The following CDK19 variants were observed in gnomAD, a reference collection of about 807,000 sequenced individuals.
CDK19 encodes the protein cyclin-dependent kinase 19.
In CDK19, 20 loss-of-function variants were observed where a neutral mutation model predicts 68.3. The observed-to-expected ratio is 0.29, with a 90% CI of 0.21 to 0.43. The LOEUF (loss-of-function observed/expected upper bound fraction) is 0.43. Among genes scored for constraint, CDK19 ranks in the 20% least tolerant of loss-of-function variants. The pLI is 1.00. For missense variants in CDK19, 339 were observed against 623.5 expected (o/e 0.54, Z 4.86); for synonymous variants, 221 against 222.8 (o/e 0.99, Z 0.07).
intron 2 of CDK19, among the ~76,000 whole-genome samples, chr6:110,700,128 A>C (rs921108522): frequency 2.0e-5 from 3 of 152,058 alleles, no homozygotes; most frequent in African/African-American, 7.2e-5. Flanking sequence ...TGGGCTGTGC[A>C]CTCTTTATGA....
intron 1 of CDK19, among the ~76,000 whole-genome samples, chr6:110,747,122 C>T (rs9487507): frequency 6.6e-6 from 1 of 152,156 alleles, no homozygotes; most frequent in African/African-American, 2.4e-5. Flanking sequence ...CAAAGTATCA[C>T]CATGTCATGA....
chr6:110,814,393 C>G (rs1401041713), intron 1 of CDK19, among the ~76,000 whole-genome samples: 1 of 152,238 alleles, frequency 6.6e-6, no homozygotes, highest in Non-Finnish European at 1.5e-5. Flanking sequence ...ATGAGAAACC[C>G]GGGACGCCGG....
chr6:110,630,572 C>T (rs1413662961), intron 6 of CDK19, among the ~76,000 whole-genome samples: 1 of 152,190 alleles, frequency 6.6e-6, no homozygotes, highest in Non-Finnish European at 1.5e-5. Context: ...GGAATGTACA[C>T]AGGCAGGATC....
At chr6:110,618,649 A>G (rs925321963) in intron 12 of CDK19, among the ~76,000 whole-genome samples, 4 of 152,172 alleles carry the variant, frequency 2.6e-5, no homozygotes, top group East Asian at 1.9e-4. Context: ...TTCTGTCCTG[A>G]TAAGTAAGCA....
Position 110,621,391 on chromosome 6 carries a change from AG to A in CDK19, c.1111-22del. On this transcript the variant is annotated intron_variant, in intron 11 of 12. Transcript: ENST00000368911. This position sits in a 1 kb window ranked among gnomAD's most constrained non-coding sequence, Gnocchi z 5.4. Reference sequence around the variant, plus strand: ...TGATTCTTTTAAGGGGAAAAAAGCAAGCTTGGTATGAAACCAAATTAACAGG... The same window carrying A: ...TGATTCTTTTAAGGGGAAAAAAGCAACTTGGTATGAAACCAAATTAACAGG... 6.6e-7 allele frequency: 1 copy of A among 1,521,444 alleles called. No individual in the cohort carries two copies. Among genetic ancestry groups the A allele is most frequent in the South Asian group, 1.3e-5 (1 of 75,782 alleles). The allele number at this position is 1,521,444 out of a possible 1,614,324, so 94.2% of individuals were successfully genotyped here. A position where few individuals can be genotyped will look rare whatever the true frequency, so the allele number is the denominator to read the frequency against.
At chr6:110,734,540 T>TCTCTCTCTCTCTCTCTCTCTCA (rs1777072443) in intron 2 of CDK19, among the ~76,000 whole-genome samples, 1 of 148,916 alleles carries the variant, frequency 6.7e-6, no homozygotes, top group African/African-American at 2.5e-5. Flanking sequence ...TCTCTCTCTC[T>TCTCTCTCTCTCTCTCTCTCTCA]CTCTCTCTCT....
At chr6:110,732,406 G>C (rs986356868) in intron 2 of CDK19, among the ~76,000 whole-genome samples, 1 of 152,114 alleles carries the variant, frequency 6.6e-6, no homozygotes, top group Non-Finnish European at 1.5e-5. Context: ...AGGAAGCTGA[G>C]GCACAAGAAG....
At position 110,808,254 on chromosome 6, in the gene CDK19, G is replaced by A. The variant is rs73766024; in HGVS notation, c.128+6755C>T. Among the ~76,000 whole-genome samples, 1,472 of 152,250 alleles carry A rather than the reference G, an allele frequency of 9.7e-3. 24 individuals are homozygous for A. Among genetic ancestry groups the A allele is most frequent in the African/African-American group, 0.033 (1,386 of 41,534 alleles). On this transcript the variant is annotated intron_variant, in intron 1 of 12. Coordinates refer to ENST00000368911, the MANE Select transcript of CDK19 (RefSeq NM_015076.5). ...CCAGTAATCGATACCTATGTGTGGC[G>A]TGTGGCTTGTGGCTAGCATATTGGA...
At chr6:110,695,534 T>A (rs1470538755) in intron 2 of CDK19, among the ~76,000 whole-genome samples, 2 of 151,418 alleles carry the variant, frequency 1.3e-5, no homozygotes, top group African/African-American at 4.9e-5. Context: ...AACAAAAAAA[T>A]TTACAATAGA....
At chr6:110,798,972 G>A (rs1782153785) in intron 1 of CDK19, among the ~76,000 whole-genome samples, 2 of 151,358 alleles carry the variant, frequency 1.3e-5, no homozygotes, top group African/African-American at 2.4e-5. Context: ...GCAAAACCCT[G>A]TCTCTACAAA....
At chr6:110,740,563 T>A (rs1007956999) in intron 2 of CDK19, among the ~76,000 whole-genome samples, 1 of 152,266 alleles carries the variant, frequency 6.6e-6, no homozygotes, top group Admixed American at 6.5e-5. Context: ...TTCCTTTCTG[T>A]AAACTTGTAC....
intron 1 of CDK19, among the ~76,000 whole-genome samples, chr6:110,770,908 C>T (rs966018181): frequency 7.9e-5 from 12 of 152,324 alleles, no homozygotes; most frequent in African/African-American, 2.6e-4. Context: ...AATTTTAAAG[C>T]TCCAAAATGA....
At chr6:110,714,425 C>A (rs938653259) in intron 2 of CDK19, among the ~76,000 whole-genome samples, 2 of 152,306 alleles carry the variant, frequency 1.3e-5, no homozygotes, top group Middle Eastern at 3.4e-3. Context: ...CTTGGGTATA[C>A]ACCTAGAAGT....
At chr6:110,670,797 G>C (rs541253444) in intron 2 of CDK19, 1 of 572,684 alleles carries the variant, frequency 1.7e-6, no homozygotes, top group Non-Finnish European at 3.3e-6. Context: ...TCTTGTCAGA[G>C]ACTGCAAGCA....
intron 2 of CDK19, among the ~76,000 whole-genome samples, chr6:110,742,720 C>A (rs1445363723): frequency 4.6e-5 from 7 of 152,080 alleles, no homozygotes; most frequent in Non-Finnish European, 1.0e-4. Flanking sequence ...TCCTGCAGTA[C>A]CCTCAGGCTT....
At chr6:110,740,724 C>T (rs1044080868) in intron 2 of CDK19, among the ~76,000 whole-genome samples, 6 of 152,164 alleles carry the variant, frequency 3.9e-5, no homozygotes, top group Non-Finnish European at 7.3e-5. Flanking sequence ...TTAAAATCCT[C>T]TCAGCTATGT....
At chr6:110,675,701 C>T (rs1358217183) in intron 2 of CDK19, among the ~76,000 whole-genome samples, 4 of 151,790 alleles carry the variant, frequency 2.6e-5, no homozygotes, top group Non-Finnish European at 4.4e-5. Context: ...ACAACAAAGC[C>T]TAGATGACAG....
intron 2 of CDK19, among the ~76,000 whole-genome samples, chr6:110,682,034 A>G (rs1772059423): frequency 1.3e-5 from 2 of 152,182 alleles, no homozygotes; most frequent in Non-Finnish European, 2.9e-5. Flanking sequence ...ATCCATTCGT[A>G]TTTTTATGTA....
chr6:110,662,073 G>T (rs146350038), intron 4 of CDK19, among the ~76,000 whole-genome samples: 24 of 152,184 alleles, frequency 1.6e-4, no homozygotes, highest in African/African-American at 5.5e-4. Context: ...AGGTTCAAGC[G>T]ATTCTCCTGC....
Sources: allele counts gnomAD v4.1 joint callset (sites outside exome capture counted in the v4.1 genomes callset), GRCh38; gene constraint gnomAD v4.1.1; non-coding constraint Gnocchi (gnomAD v3.1); transcripts MANE v1.5; gene names NCBI Gene and HGNC (gene_info 2026-07-23, HGNC 2026-07-21).